Variants in KPTN observed in about 807,000 individuals in gnomAD.
KPTN encodes the protein KICSTOR complex protein kaptin.
In KPTN, 36 loss-of-function variants were observed where a neutral mutation model predicts 52.6. The ratio of observed to expected loss-of-function variants is 0.68; its 90% confidence interval spans 0.52 to 0.90. The LOEUF (loss-of-function observed/expected upper bound fraction) is 0.90, where lower values mean the gene tolerates loss of function less well. Ranked by LOEUF, KPTN falls within the 40% of genes least tolerant of loss-of-function variation. The pLI, the probability that KPTN is intolerant of heterozygous loss-of-function variation, is 0.00. For missense variants in KPTN, 529 were observed against 576.2 expected, an observed-to-expected ratio of 0.92 and a Z score of 0.84; for synonymous variants, 271 against 248.4, an observed-to-expected ratio of 1.09 and a Z score of -0.85.
chr19:47,480,017 C>A, intron 7 of KPTN, 77 bp from the exon 8 acceptor site: 1 of 1,243,714 alleles, frequency 8.0e-7, no homozygotes, highest in Admixed American at 2.0e-5. Context: ...CGACTTTCCG[C>A]CCCCACCGTT....
Position 47,483,575 on chromosome 19 carries a change from T to A in KPTN, c.236A>T (p.Glu79Val), listed in dbSNP as rs1967965657. The change falls in exon 2 of 12, where the codon GAG (glutamate) becomes GTG (valine). Residue 79 changes from glutamate (E) to valine (V), a missense_variant. Transcript: ENST00000338134. ...LQFNYIPVDA[E>V]IVSIDTFNKS... ...GTTGAAAGTGTCGATGGAGACAATC[T>A]CCGCATCCACTGGGAGGGGAGAGTT... is the stretch of plus-strand genomic sequence containing the variant. 6.4e-7 allele frequency: 1 copy of A among 1,558,652 alleles called. No individual in the cohort carries two copies. The highest frequency in any genetic ancestry group is 8.7e-7 in the Non-Finnish European group (1 of 1,150,572).
rs200941478 is a variant in KPTN at position 47,477,716 on chromosome 19, C to T, written c.853G>A (p.Val285Met). The T allele has an allele frequency of 1.3e-5, 21 of 1,613,588 alleles. No homozygotes were observed. The African/African-American group carries it at 2.0e-4, about 15-fold the overall frequency. Residue 285 changes from valine to methionine, a missense_variant, in exon 9 of 12, where the codon GTG (valine) becomes ATG (methionine). Physicochemically the swap from Val to Met is conservative, Grantham distance 21 (BLOSUM62 1). Coordinates refer to ENST00000338134, the MANE Select transcript of KPTN (RefSeq NM_007059.4). The stretch of plus-strand genomic sequence containing the variant: ...CTCAGGCCCCCTCACCGATACACCA[C>T]TGCTGGCTCCAACATGCTGGCCACG... ...VLVASMLEPA[V>M]VYRDLLNRGL... is the part of the protein sequence containing the mutation.
chr19:47,482,200 A>G (rs902199698), intron 4 of KPTN, among the ~76,000 whole-genome samples: 2 of 152,208 alleles, frequency 1.3e-5, no homozygotes, highest in Admixed American at 1.3e-4. Flanking sequence ...TAAAAGCATG[A>G]TGCTCCGGCC....
At chr19:47,481,849 G>A (rs1042451047) in intron 4 of KPTN, among the ~76,000 whole-genome samples, 1 of 152,130 alleles carries the variant, frequency 6.6e-6, no homozygotes, top group Non-Finnish European at 1.5e-5. Flanking sequence ...CTCTAGAATG[G>A]AACCCACACA....
rs758438766 is a variant in KPTN at position 47,479,873 on chromosome 19, C to T, written c.777G>A (p.Ser259=). ...AAACCCAGAGCTCACCCTTGGCGGC[C>T]GAGAGGCTGAACACAATCACTCGGG... ...PISRVIVFSL[S]AAKETKDRPL... Residue 259 remains serine, a synonymous_variant, in exon 8 of 12, where the codon TCG becomes TCA. Transcript: ENST00000338134. 3.3e-5 allele frequency: 53 copies of T among 1,613,258 alleles called. No individual in the cohort carries two copies. The South Asian group carries it at 5.6e-4, about 17-fold the overall frequency.
At chr19:47,484,342 C>T (rs900074678), upstream of KPTN, 9 of 707,318 alleles carry the variant, frequency 1.3e-5, no homozygotes, top group African/African-American at 7.2e-5. Context: ...GCCTCCCAGG[C>T]GACTTTGCCC....
rs1967621369 is a variant in KPTN at position 47,475,242 on chromosome 19, G to A, written c.*174C>T. ...ATGGGATCATCCCTGCTTTCAAATA[G>A]GGACATTGACGTACAGAGAGAGGAG... On this transcript the variant is annotated 3_prime_UTR_variant, in exon 12 of 12. Transcript: ENST00000338134. 4 of 596,576 alleles carry A rather than the reference G, an allele frequency of 6.7e-6. No homozygotes were observed. Among genetic ancestry groups the A allele is most frequent in the Admixed American group, 3.1e-5 (1 of 32,524 alleles). The allele number at this position is 596,576 out of a possible 1,614,324, so 37.0% of individuals were successfully genotyped here.
intron 11 of KPTN, 23 bp from the exon 12 acceptor site, chr19:47,475,567 G>A (rs369269699): frequency 2.5e-6 from 4 of 1,609,442 alleles, no homozygotes; most frequent in East Asian, 2.2e-5. Flanking sequence ...AGAGAATGAG[G>A]GGGATGGAGC....
Position 47,483,187 on chromosome 19 carries a change from G to T in KPTN, c.423C>A (p.Phe141Leu), listed in dbSNP as rs927688047. 1.2e-6 allele frequency: 2 copies of T among 1,614,076 alleles called. No individual in the cohort carries two copies. The highest frequency in any genetic ancestry group is 2.2e-5 in the South Asian group (2 of 91,080). Residue 141 changes from phenylalanine (F) to leucine (L), a missense_variant, in exon 4 of 12, where the codon TTC becomes TTA. Phe to Leu is a conservative substitution (Grantham distance 22). Transcript: ENST00000338134. Reference protein sequence around the residue: ...AQSCLNLELQFTPFQLCHAEV... With the variant: ...AQSCLNLELQLTPFQLCHAEV... ...CCGCATGGCACAGCTGGAACGGAGT[G>T]AACTGGAGCTCCAGGTTCAGGCAGC... is the stretch of plus-strand genomic sequence containing the variant.
chr19:47,483,208 G>C lies in KPTN; in HGVS notation c.402C>G (p.Cys134Trp). 6.2e-7 allele frequency: 1 copy of C among 1,614,046 alleles called. No individual in the cohort carries two copies. The highest frequency in any genetic ancestry group is 8.5e-7 in the Non-Finnish European group (1 of 1,180,014). ...GAGTGAACTGGAGCTCCAGGTTCAG[G>C]CAGCTCTCTGTAGGCAGGGCACAGG... ...EYNLDSIAQS[C>W]LNLELQFTPF... Residue 134 changes from cysteine (C) to tryptophan (W), a missense_variant, in exon 4 of 12, where the codon TGC becomes TGG. Cys to Trp is a radical substitution (Grantham distance 215). Coordinates refer to ENST00000338134, the MANE Select transcript of KPTN (RefSeq NM_007059.4).
intron 7 of KPTN, 51 bp from the exon 8 acceptor site, chr19:47,479,991 G>A: frequency 1.7e-6 from 2 of 1,193,066 alleles, no homozygotes; most frequent in South Asian, 1.5e-5. Context: ...GGTCCCGCCC[G>A]CAGCCCTGAA....
At chr19:47,479,271 G>A (rs950883427) in intron 8 of KPTN, among the ~76,000 whole-genome samples, 3 of 152,208 alleles carry the variant, frequency 2.0e-5, no homozygotes, top group Non-Finnish European at 2.9e-5. Context: ...TTGAACTCCC[G>A]ACCTCAGGTG....
chr19:47,484,231 C>T, upstream of KPTN: 1 of 1,480,524 alleles, frequency 6.8e-7, no homozygotes, highest in Non-Finnish European at 9.0e-7. Context: ...ACTCTCTAAG[C>T]GACCTGAACC....
rs1296077820 is a variant in KPTN at position 47,476,676 on chromosome 19, C to T, written c.1038G>A (p.Gly346=). 1.9e-6 allele frequency: 3 copies of T among 1,612,702 alleles called. No individual in the cohort carries two copies. Among genetic ancestry groups the T allele is most frequent in the African/African-American group, 2.7e-5 (2 of 74,778 alleles). ...GGAACCCGTGCTGGGCCTCAGGAAG[C>T]CCCGACTCTGGGCCCCGGTACTTAT... The part of the protein sequence containing the change: ...LCYKYRGPES[G]LPEAQHGFHL... Residue 346 remains glycine (G), a synonymous_variant, in exon 11 of 12, where the codon GGG becomes GGA. Transcript: ENST00000338134.
intron 6 of KPTN, 48 bp from the exon 7 acceptor site, chr19:47,480,455 GC>G (rs1967838547): frequency 3.6e-6 from 5 of 1,371,966 alleles, no homozygotes; most frequent in Non-Finnish European, 5.0e-6. Context: ...GCTGGGCCCA[GC>G]CCCGCCCCTC....
chr19:47,476,364 C>T (rs1363972848), intron 11 of KPTN, among the ~76,000 whole-genome samples, 168 bp downstream of exon 11: 3 of 79,518 alleles, frequency 3.8e-5, no homozygotes, highest in African/African-American at 1.4e-4. Flanking sequence ...GGTGCCCCCA[C>T]CCCAGCTGCT....
chr19:47,483,920 C>G lies in KPTN; in HGVS notation c.226+15G>C. 2.5e-6 allele frequency: 4 copies of G among 1,612,874 alleles called. No individual in the cohort carries two copies. Among genetic ancestry groups the G allele is most frequent in the Non-Finnish European group, 3.4e-6 (4 of 1,179,766 alleles). The stretch of plus-strand genomic sequence containing the variant: ...GTTCCAGGCCCCCGCCCCCCAGCAC[C>G]ATAGCGCCACCCACCGGGAATGTAG... On this transcript the variant is annotated intron_variant, in intron 1 of 11. Coordinates refer to ENST00000338134, the MANE Select transcript of KPTN (RefSeq NM_007059.4).
At chr19:47,483,003 G>C in intron 4 of KPTN, 158 bp downstream of exon 4, 1 of 766,428 alleles carries the variant, frequency 1.3e-6, no homozygotes. Context: ...CACCGTGCCC[G>C]GCTGGCATTT....
intron 8 of KPTN, among the ~76,000 whole-genome samples, chr19:47,478,373 T>A (rs1013381468): frequency 1.3e-5 from 2 of 150,746 alleles, no homozygotes; most frequent in Non-Finnish European, 3.0e-5. Context: ...AGGTCAAGAG[T>A]TCGAGACTAG....
Sources: allele counts gnomAD v4.1 joint callset (sites outside exome capture counted in the v4.1 genomes callset), GRCh38; gene constraint gnomAD v4.1.1; transcripts MANE v1.5; gene names NCBI Gene and HGNC (gene_info 2026-07-23, HGNC 2026-07-21).